The following DNMT1 variants were observed in gnomAD, a reference collection of about 807,000 sequenced individuals.
DNMT1 encodes the protein DNA methyltransferase 1.
A neutral mutation model predicts 205.3 loss-of-function variants in DNMT1; 24 were observed. That is an observed-to-expected ratio of 0.12 (90% CI 0.08 to 0.16). DNMT1 has a LOEUF of 0.16. DNMT1 is among the 10% of genes least tolerant of loss of function. DNMT1 has a pLI of 1.00. For missense variants in DNMT1, 1,293 were observed against 2,177.7 expected (o/e 0.59, Z 8.09); for synonymous variants, 817 against 839.8 (o/e 0.97, Z 0.47).
chr19:10,189,396 C>T (rs2039257725), intron 1 of DNMT1, among the ~76,000 whole-genome samples: 1 of 151,280 alleles, frequency 6.6e-6, no homozygotes, highest in Admixed American at 6.6e-5. Context: ...GCTGGGATTA[C>T]AGGCGTGAGC....
intron 4 of DNMT1, 38 bp downstream of exon 4, chr19:10,180,311 CA>C: frequency 6.2e-7 from 1 of 1,601,296 alleles, no homozygotes; most frequent in Non-Finnish European, 8.5e-7. Flanking sequence ...GACTCCATCT[CA>C]AAAACAATTA....
rs567916721 is a variant in DNMT1, at chr19:10,159,980, G to A, written c.1089+38C>T. ...AGAGAGCAGCTCCCAGCCGCCTCGT[G>A]AGCGCCGCCACCGGCTTTATTCCCG... On this transcript the variant is annotated intron_variant, in intron 15 of 40. Coordinates refer to ENST00000359526, the MANE Select transcript of DNMT1 (RefSeq NM_001130823.3). The surrounding 1 kb of genome is among the most constrained non-coding windows in gnomAD (Gnocchi z 5.0). 5 of 1,614,116 alleles carry A rather than the reference G, an allele frequency of 3.1e-6. No homozygotes were observed. The highest frequency in any genetic ancestry group is 4.2e-6 in the Non-Finnish European group (5 of 1,180,054).
rs747469397 is a variant in DNMT1, at chr19:10,173,892, C to T, written c.662G>A (p.Arg221His). ...EEDKDQDEKR[R>H]RVTSRERVAR... ...TTACCGTTCTCTGGATGTAACTCTA[C>T]GTCTCTTCTCATCCTGTGTGGAGGG... is the stretch of plus-strand genomic sequence containing the variant. The change falls in exon 8 of 41, where the codon CGT (arginine) becomes CAT (histidine). Residue 221 changes from arginine to histidine, a missense_variant. Transcript: ENST00000359526. 2.5e-6 allele frequency: 4 copies of T among 1,613,934 alleles called. No individual in the cohort carries two copies. Among genetic ancestry groups the T allele is most frequent in the East Asian group, 2.2e-5 (1 of 44,880 alleles).
At chr19:10,136,034 C>G in intron 38 of DNMT1, 87 bp downstream of exon 38, 1 of 1,586,420 alleles carries the variant, frequency 6.3e-7, no homozygotes, top group Non-Finnish European at 8.6e-7. Flanking sequence ...GTGCTGTCCC[C>G]CACTTGGCTA....
chr19:10,155,782 C>G, intron 19 of DNMT1, 71 bp downstream of exon 19: 3 of 1,504,912 alleles, frequency 2.0e-6, no homozygotes, highest in Non-Finnish European at 2.7e-6. Context: ...AGAGCCCCGT[C>G]AGCCCCCAGG....
intron 40 of DNMT1, 78 bp downstream of exon 40, chr19:10,134,139 G>C: frequency 1.3e-6 from 2 of 1,520,022 alleles, no homozygotes. Context: ...AGCCCAAAAC[G>C]GTGGCCAGCA....
chr19:10,187,300 C>A (rs973292798), intron 1 of DNMT1, among the ~76,000 whole-genome samples: 1 of 151,916 alleles, frequency 6.6e-6, no homozygotes, highest in African/African-American at 2.4e-5. Flanking sequence ...CAGAAATGCT[C>A]GTCTGAAATA....
At chr19:10,172,981 C>A in intron 9 of DNMT1, 109 bp downstream of exon 9, 2 of 1,287,080 alleles carry the variant, frequency 1.6e-6, no homozygotes, top group Non-Finnish European at 1.1e-6. Flanking sequence ...TAGCAAAACC[C>A]ATCTTGTTCT....
intron 1 of DNMT1, 105 bp downstream of exon 1, chr19:10,194,715 C>T: frequency 2.1e-6 from 3 of 1,429,768 alleles, no homozygotes; most frequent in Non-Finnish European, 1.9e-6. Context: ...CACGCATGCG[C>T]GCCCGTCTGT....
At chr19:10,164,983 A>ATGGTG (rs2038657803) in intron 11 of DNMT1, among the ~76,000 whole-genome samples, 1 of 140,746 alleles carries the variant, frequency 7.1e-6, no homozygotes, top group Non-Finnish European at 1.5e-5. Flanking sequence ...ACTGAATGCA[A>ATGGTG]CGGTTCATGC....
chr19:10,175,753 T>A, intron 6 of DNMT1, 135 bp from the exon 7 acceptor site: 1 of 869,746 alleles, frequency 1.1e-6, no homozygotes, highest in Non-Finnish European at 1.9e-6. Context: ...GGGTTTAGAA[T>A]GTTGTCTTGC....
chr19:10,143,558 C>T lies in DNMT1; in HGVS notation c.3116+208G>A, dbSNP rs35918857. 0.012 allele frequency among the ~76,000 whole-genome samples: 1,897 copies of T among 152,076 alleles called. 12 individuals are homozygous for T. Among genetic ancestry groups the T allele is most frequent in the Non-Finnish European group, 0.018 (1,239 of 67,984 alleles). ...GATTTCTTTTGGAAAAAGGGCTCTG[C>T]AACATTAAAATAAGGACCTAAAAGT... On this transcript the variant is annotated intron_variant, in intron 29 of 40. Transcript: ENST00000359526.
intron 11 of DNMT1, among the ~76,000 whole-genome samples, chr19:10,164,558 G>A (rs1006033546): frequency 6.6e-6 from 1 of 152,046 alleles, no homozygotes; most frequent in African/African-American, 2.4e-5. Context: ...AGTGAGCTAT[G>A]ATAGCACCAC....
Position 10,194,935 on chromosome 19 carries a change from AGGCGCCCC to A in DNMT1, c.-44_-37del. The A allele has an allele frequency of 6.3e-7, 1 of 1,585,394 alleles. No homozygotes were observed. Among genetic ancestry groups the A allele is most frequent in the Non-Finnish European group, 8.6e-7 (1 of 1,166,414 alleles). ...TCAGCAGACGCGGCGGCGGCAGCGC[AGGCGCCCC>A]GGCTTTTCGCGCGGAAACCGATGGG... On this transcript the variant is annotated 5_prime_UTR_variant, in exon 1 of 41. Transcript: ENST00000359526.
Position 10,137,329 on chromosome 19 carries a change from G to A in DNMT1, c.4294-49C>T, listed in dbSNP as rs368411249. ...CTGTCACCTCATGTGAGCAGCATCC[G>A]AGCATCCATGGTGGGCTGGGAGCTG... On this transcript the variant is annotated intron_variant, in intron 36 of 40. Coordinates refer to ENST00000359526, the MANE Select transcript of DNMT1 (RefSeq NM_001130823.3). The surrounding 1 kb of genome is among the most constrained non-coding windows in gnomAD (Gnocchi z 6.4). The A allele has an allele frequency of 2.0e-5, 31 of 1,558,550 alleles. No homozygotes were observed. Among genetic ancestry groups the A allele is most frequent in the Admixed American group, 5.7e-5 (3 of 52,750 alleles).
At position 10,191,408 on chromosome 19, in the gene DNMT1, A is replaced by C. The variant is rs2039303048; in HGVS notation, c.80+3412T>G. On this transcript the variant is annotated intron_variant, in intron 1 of 40. Transcript: ENST00000359526. ...CTGTGGAGTGAGTCATATAAACTAC[A>C]ATTTCAATGTCTACCACATGGTCAA... 3.3e-5 allele frequency among the ~76,000 whole-genome samples: 5 copies of C among 152,092 alleles called. No individual in the cohort carries two copies. In the South Asian group the frequency reaches 1.0e-3, roughly 32 times the overall value.
At chr19:10,192,541 C>T (rs1223872418) in intron 1 of DNMT1, among the ~76,000 whole-genome samples, 1 of 151,818 alleles carries the variant, frequency 6.6e-6, no homozygotes, top group Non-Finnish European at 1.5e-5. Context: ...GCAGGAGGAT[C>T]GCTTGAGGCC....
chr19:10,143,616 A>T, intron 29 of DNMT1, 150 bp downstream of exon 29: 1 of 869,268 alleles, frequency 1.2e-6, no homozygotes, highest in South Asian at 1.4e-5. Context: ...AGTCATTATC[A>T]GTGCCCACCG....
rs543020861 is a variant in DNMT1 at position 10,169,470 on chromosome 19, T to C, written c.769-1106A>G. Reference sequence around the variant, plus strand: ...TACTGGGGAGGTGGAGGCAGGAGAATGGCGTGAACTTGGGAGGCAGAGCTT... The same window carrying C: ...TACTGGGGAGGTGGAGGCAGGAGAACGGCGTGAACTTGGGAGGCAGAGCTT... On this transcript the variant is annotated intron_variant, in intron 9 of 40. Transcript: ENST00000359526. Among the ~76,000 whole-genome samples the C allele has an allele frequency of 2.0e-5, 3 of 149,176 alleles. No individual in the cohort carries two copies. In the South Asian group the frequency reaches 6.4e-4, roughly 32 times the overall value.
Sources: gnomAD v4.1 joint callset for allele counts (sites outside exome capture counted in the v4.1 genomes callset) on GRCh38, gnomAD v4.1.1 for gene constraint, Gnocchi (gnomAD v3.1) non-coding constraint, MANE v1.5 for transcripts, NCBI Gene and HGNC (gene_info 2026-07-23, HGNC 2026-07-21) for gene names.